DTNA: variants seen among roughly 807,000 people sequenced by gnomAD.
The protein encoded by DTNA is dystrobrevin alpha, also known as dystrophin-related protein 3.
Under a neutral mutation model 100.7 loss-of-function variants are expected in DTNA, and 43 were observed. The observed-to-expected ratio is 0.43, with a 90% confidence interval of 0.33 to 0.55. The LOEUF is 0.55. DTNA is among the 20% of genes least tolerant of loss of function. The probability of loss-of-function intolerance (pLI) is 0.04; values close to 1 mark genes in which losing one functional copy is unlikely to be tolerated. For missense variants in DTNA, 798 were observed against 953.9 expected (o/e 0.84, Z 2.15); for synonymous variants, 349 against 347.9 (o/e 1.00, Z -0.04).
chr18:34,883,932 C>A (rs958082252), intron 21 of DTNA, among the ~76,000 whole-genome samples: 2 of 152,164 alleles, frequency 1.3e-5, no homozygotes, highest in Admixed American at 1.3e-4. Context: ...ATATGTAGAG[C>A]CGTGCTCCCA....
At chr18:34,743,793 T>C (rs577227628) in intron 1 of DTNA, among the ~76,000 whole-genome samples, 1 of 152,298 alleles carries the variant, frequency 6.6e-6, no homozygotes, top group African/African-American at 2.4e-5. Flanking sequence ...TTCCTATCCT[T>C]CTTGTACTGA....
chr18:34,753,945 A>C (rs1297119208), intron 1 of DTNA, among the ~76,000 whole-genome samples: 1 of 152,244 alleles, frequency 6.6e-6, no homozygotes, highest in Non-Finnish European at 1.5e-5. Context: ...TGCGTATATG[A>C]AATCTTATAA....
intron 1 of DTNA, among the ~76,000 whole-genome samples, chr18:34,609,568 T>A (rs530397926): frequency 2.2e-4 from 34 of 152,278 alleles, no homozygotes; most frequent in African/African-American, 7.7e-4. Context: ...TAAAGCTAAA[T>A]TTGAATGCTC....
chr18:34,608,787 T>A (rs1372374653), intron 1 of DTNA, among the ~76,000 whole-genome samples: 1 of 152,198 alleles, frequency 6.6e-6, no homozygotes, highest in Non-Finnish European at 1.5e-5. Flanking sequence ...CATATAGATC[T>A]TTCTTCAATC....
intron 1 of DTNA, among the ~76,000 whole-genome samples, chr18:34,557,197 G>A (rs1177661483): frequency 3.4e-5 from 5 of 146,936 alleles, no homozygotes; most frequent in East Asian, 1.9e-4. Flanking sequence ...CGTAGTTCTC[G>A]AGCCTTGGTT....
At chr18:34,532,909 C>T (rs2043293884) in intron 1 of DTNA, among the ~76,000 whole-genome samples, 1 of 151,780 alleles carries the variant, frequency 6.6e-6, no homozygotes, top group Non-Finnish European at 1.5e-5. Context: ...TGGTTGGATA[C>T]AGGGAAAGTT....
intron 1 of DTNA, among the ~76,000 whole-genome samples, chr18:34,743,645 G>A (rs1039598652): frequency 1.3e-5 from 2 of 152,000 alleles, no homozygotes; most frequent in African/African-American, 4.8e-5. Flanking sequence ...AATCAAAATA[G>A]CTCCTTCTGC....
At chr18:34,529,333 A>G (rs914848450) in intron 1 of DTNA, among the ~76,000 whole-genome samples, 2 of 152,168 alleles carry the variant, frequency 1.3e-5, no homozygotes, top group African/African-American at 4.8e-5. Context: ...AAGTCAGCGT[A>G]TAATATGGCA....
intron 1 of DTNA, among the ~76,000 whole-genome samples, chr18:34,690,427 C>T (rs944145366): frequency 6.6e-6 from 1 of 152,192 alleles, no homozygotes; most frequent in Non-Finnish European, 1.5e-5. Flanking sequence ...TGAGGCAATG[C>T]CCCACCCTGC....
At chr18:34,754,009 T>C (rs190325261) in intron 1 of DTNA, among the ~76,000 whole-genome samples, 5 of 152,348 alleles carry the variant, frequency 3.3e-5, no homozygotes, top group Admixed American at 2.0e-4. Flanking sequence ...TTGATGAAGC[T>C]TCATTAGTAA....
chr18:34,638,782 A>AT (rs764334328), intron 1 of DTNA, among the ~76,000 whole-genome samples: 2 of 152,190 alleles, frequency 1.3e-5, no homozygotes, highest in Non-Finnish European at 2.9e-5. Flanking sequence ...CCTAGCATAC[A>AT]TTCACATTTT....
At chr18:34,579,438 A>G (rs982468468) in intron 1 of DTNA, among the ~76,000 whole-genome samples, 2 of 152,206 alleles carry the variant, frequency 1.3e-5, no homozygotes, top group Non-Finnish European at 1.5e-5. Flanking sequence ...TTCAGCAAGA[A>G]TTCACCTTGA....
chr18:34,706,762 T>A (rs1051995758), upstream of DTNA, among the ~76,000 whole-genome samples: 6 of 152,212 alleles, frequency 3.9e-5, no homozygotes, highest in African/African-American at 1.4e-4. Flanking sequence ...ATCTTGATAT[T>A]AAATTGTATA....
chr18:34,844,342 C>T (rs2096334276), intron 13 of DTNA, among the ~76,000 whole-genome samples: 1 of 152,064 alleles, frequency 6.6e-6, no homozygotes, highest in Non-Finnish European at 1.5e-5. Context: ...GGCCACTACA[C>T]TAAGCTTTGA....
At chr18:34,618,544 CAT>C (rs1001092870) in intron 1 of DTNA, among the ~76,000 whole-genome samples, 13 of 152,126 alleles carry the variant, frequency 8.5e-5, no homozygotes, top group African/African-American at 2.9e-4. Flanking sequence ...GTCTCTCAAT[CAT>C]GTGTTATTGT....
chr18:34,743,031 G>T (rs2090987253), intron 1 of DTNA, among the ~76,000 whole-genome samples: 1 of 152,056 alleles, frequency 6.6e-6, no homozygotes, highest in Non-Finnish European at 1.5e-5. Flanking sequence ...GCTCTCTTAA[G>T]AAACACATTC....
intron 1 of DTNA, among the ~76,000 whole-genome samples, chr18:34,600,687 C>T (rs921833282): frequency 3.9e-5 from 6 of 152,078 alleles, no homozygotes; most frequent in African/African-American, 1.4e-4. Context: ...CAGATGCATC[C>T]AATGTTTGAA....
intron 1 of DTNA, among the ~76,000 whole-genome samples, chr18:34,587,255 G>T (rs751987888): frequency 2.6e-5 from 4 of 151,854 alleles, no homozygotes; most frequent in Non-Finnish European, 5.9e-5. Context: ...TGTTATATTG[G>T]TTGTTACTGG....
At chr18:34,711,649 T>G (rs1337384587) in intron 1 of DTNA, among the ~76,000 whole-genome samples, 1 of 152,338 alleles carries the variant, frequency 6.6e-6, no homozygotes, top group Non-Finnish European at 1.5e-5. Flanking sequence ...CCAAGTTTGT[T>G]CATACAGCAT....
Sources: gnomAD v4.1 joint callset for allele counts (sites outside exome capture counted in the v4.1 genomes callset) on GRCh38, gnomAD v4.1.1 for gene constraint, MANE v1.5 for transcripts, NCBI Gene and HGNC (gene_info 2026-07-23, HGNC 2026-07-21) for gene names.